Variants in MAST4 observed in about 807,000 individuals in gnomAD.
MAST4 encodes the protein microtubule-associated serine/threonine-protein kinase 4.
In MAST4, 89 loss-of-function variants were observed where a neutral mutation model predicts 162.7. The observed-to-expected ratio is 0.55, with a 90% CI of 0.46 to 0.65. The LOEUF (loss-of-function observed/expected upper bound fraction) is 0.65, where lower values mean the gene tolerates loss of function less well. MAST4 is among the 30% of genes least tolerant of loss of function. The pLI is 0.00. For missense variants in MAST4, 3,153 were observed against 3,374.0 expected, an observed-to-expected ratio of 0.93 and a Z score of 1.62; for synonymous variants, 1,479 against 1,361.1, an observed-to-expected ratio of 1.09 and a Z score of -1.91.
intron 1 of MAST4, among the ~76,000 whole-genome samples, chr5:66,603,417 TG>T (rs1742676406): frequency 6.6e-6 from 1 of 152,190 alleles, no homozygotes; most frequent in Admixed American, 6.5e-5. Context: ...AGCCATGTCC[TG>T]GGGCTAGTGA....
chr5:66,686,047 C>T (rs1388216590), intron 1 of MAST4, among the ~76,000 whole-genome samples: 1 of 152,140 alleles, frequency 6.6e-6, no homozygotes, highest in African/African-American at 2.4e-5. Flanking sequence ...TGCTCACCTC[C>T]TGCTGTGGGG....
intron 3 of MAST4, among the ~76,000 whole-genome samples, chr5:66,892,180 G>A (rs1762405025): frequency 6.6e-6 from 1 of 152,180 alleles, no homozygotes; most frequent in Admixed American, 6.5e-5. Context: ...AGTGAGTTTT[G>A]TCATTAGTTT....
chr5:66,832,305 G>A (rs571630076), intron 3 of MAST4, among the ~76,000 whole-genome samples: 12 of 152,182 alleles, frequency 7.9e-5, no homozygotes, highest in African/African-American at 2.6e-4. Flanking sequence ...CTATGATGCA[G>A]TTAAACATCA....
chr5:66,621,755 A>G (rs1334256159), intron 1 of MAST4, among the ~76,000 whole-genome samples: 4 of 152,320 alleles, frequency 2.6e-5, no homozygotes, highest in African/African-American at 9.6e-5. Flanking sequence ...ACAGTAATGA[A>G]CAAAGCAAGC....
intron 4 of MAST4, among the ~76,000 whole-genome samples, chr5:66,918,598 A>G (rs1764267834): frequency 6.6e-6 from 1 of 152,184 alleles, no homozygotes; most frequent in Admixed American, 6.5e-5. Context: ...GTGTTTTTCT[A>G]AAGGCATCTG....
At position 66,779,547 on chromosome 5, in the gene MAST4, T is replaced by A. The variant is rs577488511; in HGVS notation, c.518-9123T>A. On this transcript the variant is annotated intron_variant, in intron 2 of 28. Coordinates refer to ENST00000403625, the MANE Select transcript of MAST4 (RefSeq NM_001164664.2). ...TGATTTAGCAGCATTGTTGATGCTG[T>A]CTGGGTACGGTCATTCTTTTGCAGT... Among the ~76,000 whole-genome samples the A allele has an allele frequency of 3.9e-5, 6 of 152,316 alleles. No individual in the cohort carries two copies. In the South Asian group the frequency reaches 1.2e-3, roughly 32 times the overall value.
At chr5:66,670,835 T>C (rs1236170898) in intron 1 of MAST4, among the ~76,000 whole-genome samples, 1 of 151,768 alleles carries the variant, frequency 6.6e-6, no homozygotes, top group Non-Finnish European at 1.5e-5. Flanking sequence ...ACTAAAAACA[T>C]TACTCAGATA....
intron 3 of MAST4, among the ~76,000 whole-genome samples, chr5:66,826,788 A>G (rs1264216608): frequency 6.6e-6 from 1 of 152,110 alleles, no homozygotes; most frequent in Non-Finnish European, 1.5e-5. Context: ...TTTTTTCCAA[A>G]ATCTGTCAGG....
intron 1 of MAST4, among the ~76,000 whole-genome samples, chr5:66,641,263 T>G (rs1436149556): frequency 6.6e-6 from 1 of 152,160 alleles, no homozygotes; most frequent in Non-Finnish European, 1.5e-5. Context: ...GCAATTCTTG[T>G]GCCTCAGCCT....
At chr5:66,784,076 T>C (rs1423718898) in intron 2 of MAST4, among the ~76,000 whole-genome samples, 2 of 152,092 alleles carry the variant, frequency 1.3e-5, no homozygotes, top group Admixed American at 6.5e-5. Flanking sequence ...TTGAGATTCC[T>C]TGTGGTACCT....
rs1435005761 is a variant in MAST4, at chr5:67,081,081, ATATT to A, written c.764-9080_764-9077del. 2.7e-5 allele frequency among the ~76,000 whole-genome samples: 2 copies of A among 74,498 alleles called. 1 individual carries two copies. The highest frequency in any genetic ancestry group is 2.3e-4 in the African/African-American group (2 of 8,822). The allele number at this position is 74,498 out of a possible 152,430, so 48.9% of individuals were successfully genotyped here. A position where few individuals can be genotyped will look rare whatever the true frequency, so the allele number is the denominator to read the frequency against. Reference sequence around the variant, plus strand: ...TATATAATATAATATATAATTGTATATATTATATAATATATAATTGTATATATTA... The same window carrying A: ...TATATAATATAATATATAATTGTATAATATAATATATAATTGTATATATTA... On this transcript the variant is annotated intron_variant, in intron 5 of 28. Transcript: ENST00000403625.
intron 2 of MAST4, among the ~76,000 whole-genome samples, chr5:66,769,576 C>T (rs553494128): frequency 6.6e-6 from 1 of 152,304 alleles, no homozygotes; most frequent in East Asian, 1.9e-4. Flanking sequence ...ATCTTTACAG[C>T]ATGTTACTGT....
intron 1 of MAST4, among the ~76,000 whole-genome samples, chr5:66,611,916 A>C (rs191026318): frequency 1.3e-5 from 2 of 152,352 alleles, no homozygotes; most frequent in East Asian, 3.9e-4. Context: ...GTTTTCTTAA[A>C]TCAGTGTCAT....
chr5:66,757,612 A>G (rs1425905218), intron 1 of MAST4, among the ~76,000 whole-genome samples: 6 of 146,340 alleles, frequency 4.1e-5, no homozygotes. Context: ...TGTTCTTAGA[A>G]CAGGCATGTT....
chr5:66,634,943 G>A (rs915916886), intron 1 of MAST4, among the ~76,000 whole-genome samples: 1 of 152,218 alleles, frequency 6.6e-6, no homozygotes, highest in African/African-American at 2.4e-5. Context: ...CAGTGCTCCA[G>A]ATGTGGCCAG....
In MAST4 at chr5:67,165,570, A is replaced by T; in HGVS notation, c.6391A>T (p.Ser2131Cys). The stretch of plus-strand genomic sequence containing the variant: ...GGAGCAGCCTCTACAAAGGCATCCC[A>T]GCAGCATCCCTCCGCCCCCTCTGAC... ...RKEQPLQRHP[S>C]SIPPPPLTAK... Residue 2131 changes from serine to cysteine, a missense_variant, in exon 29 of 29, where the codon AGC (serine) becomes TGC (cysteine). By Grantham distance (112) the Ser-to-Cys change is moderately radical. Around this residue, in one of 7 missense-constraint regions of MAST4, gnomAD observed 1,644 missense variants for 1,495.0 expected, o/e 1.10. Transcript: ENST00000403625. 1 of 1,613,970 alleles carries T rather than the reference A, an allele frequency of 6.2e-7. No individual in the cohort carries two copies. The highest frequency in any genetic ancestry group is 8.5e-7 in the Non-Finnish European group (1 of 1,179,856).
At chr5:67,011,197 T>A (rs1752627727) in intron 4 of MAST4, among the ~76,000 whole-genome samples, 1 of 152,054 alleles carries the variant, frequency 6.6e-6, no homozygotes, top group Admixed American at 6.5e-5. Context: ...ACACACCACC[T>A]CTTGCTCTCC....
At chr5:67,013,089 A>G (rs935857632) in intron 4 of MAST4, among the ~76,000 whole-genome samples, 2 of 152,174 alleles carry the variant, frequency 1.3e-5, no homozygotes, top group African/African-American at 4.8e-5. Flanking sequence ...TTGTGGTCCT[A>G]CATTTATCAG....
intron 4 of MAST4, among the ~76,000 whole-genome samples, chr5:67,033,404 A>C (rs1233817484): frequency 1.8e-4 from 15 of 81,926 alleles, no homozygotes; most frequent in Middle Eastern, 4.3e-3. Context: ...CTATACAGGC[A>C]AAAAAAAAAG....
Sources: gnomAD v4.1 joint callset for allele counts (sites outside exome capture counted in the v4.1 genomes callset) on GRCh38, gnomAD v4.1.1 for gene constraint, gnomAD v4.1.1 regional missense constraint, MANE v1.5 for transcripts, NCBI Gene and HGNC (gene_info 2026-07-23, HGNC 2026-07-21) for gene names.